EXOSC2: variants seen among roughly 807,000 people sequenced by gnomAD.
The protein encoded by EXOSC2 is exosome component 2.
A neutral mutation model predicts 37.6 loss-of-function variants in EXOSC2; 29 were observed. That is an observed-to-expected ratio of 0.77 (90% CI 0.57 to 1.05). The LOEUF (loss-of-function observed/expected upper bound fraction) is 1.05. EXOSC2 is among the 50% of genes least tolerant of loss of function. The pLI, the probability that EXOSC2 is intolerant of heterozygous loss-of-function variation, is 0.00. For missense variants in EXOSC2, 346 were observed against 365.6 expected (o/e 0.95, Z 0.44); for synonymous variants, 119 against 131.1 (o/e 0.91, Z 0.63).
intron 5 of EXOSC2, 172 bp downstream of exon 5, chr9:130,699,566 A>T: frequency 1.5e-6 from 1 of 663,694 alleles, no homozygotes; most frequent in Non-Finnish European, 2.6e-6. Context: ...ATTCAGGCTG[A>T]CTCCCCAGCT....
In EXOSC2 at chr9:130,704,284, C is replaced by G. The variant is rs977231087; in HGVS notation, c.*510C>G. The G allele has an allele frequency of 6.6e-6, 1 of 152,348 alleles. No homozygotes were observed. Among genetic ancestry groups the G allele is most frequent in the Non-Finnish European group, 1.5e-5 (1 of 68,160 alleles). 9.4% of individuals were successfully genotyped at this position (152,348 alleles called of 1,614,324 possible). On this transcript the variant is annotated 3_prime_UTR_variant, in exon 9 of 9. Transcript: ENST00000372358. Reference sequence around the variant, plus strand: ...GTGGCTCACGCCTATAATCCCAGCACTTAGGGAGGCCAAGGCGGGCAGATC... The same window carrying G: ...GTGGCTCACGCCTATAATCCCAGCAGTTAGGGAGGCCAAGGCGGGCAGATC...
chr9:130,701,040 A>C, intron 6 of EXOSC2, 105 bp downstream of exon 6: 6 of 1,025,262 alleles, frequency 5.9e-6, no homozygotes, highest in Non-Finnish European at 8.9e-6. Flanking sequence ...CCAGTAGCTA[A>C]GCATTAATAG....
At position 130,694,878 on chromosome 9, in the gene EXOSC2, T is replaced by G. The variant is rs1221596970; in HGVS notation, c.123-614T>G. 3.9e-4 allele frequency among the ~76,000 whole-genome samples: 58 copies of G among 148,654 alleles called. No homozygotes were observed. The East Asian group carries it at 0.011, about 27-fold the overall frequency. On this transcript the variant is annotated intron_variant, in intron 1 of 8. Transcript: ENST00000372358. This position sits in a 1 kb window ranked among gnomAD's most constrained non-coding sequence, Gnocchi z 4.0. Reference sequence around the variant, plus strand: ...CCACCATGCCTAGCTAATTTTTGGTTTTTTTTTTTTTTAGTAGAGACAGGG... The same window carrying G: ...CCACCATGCCTAGCTAATTTTTGGTGTTTTTTTTTTTTAGTAGAGACAGGG...
chr9:130,700,929 T>C lies in EXOSC2; in HGVS notation c.489T>C (p.Tyr163=), dbSNP rs1476952387. ...AVSLHTRSLK[Y]GKLGQGVLVQ... ...CTTTGCACACGAGGAGCCTGAAATA[T>C]GGAAAAGTAAGTCGGGCTCTTGATG... is the stretch of plus-strand genomic sequence containing the variant. Residue 163 remains tyrosine, a synonymous_variant, in exon 6 of 9, where the codon TAT becomes TAC. Transcript: ENST00000372358. The C allele has an allele frequency of 4.3e-6, 7 of 1,613,914 alleles. No homozygotes were observed. Among genetic ancestry groups the C allele is most frequent in the South Asian group, 2.2e-5 (2 of 91,080 alleles).
At chr9:130,702,000 A>T in intron 6 of EXOSC2, 134 bp from the exon 7 acceptor site, 1 of 1,456,406 alleles carries the variant, frequency 6.9e-7, no homozygotes, top group Non-Finnish European at 9.0e-7. Context: ...TACTATGTGT[A>T]TGCATGTAGG....
intron 4 of EXOSC2, among the ~76,000 whole-genome samples, chr9:130,699,095 T>A (rs1831156408): frequency 6.6e-6 from 1 of 152,172 alleles, no homozygotes; most frequent in Non-Finnish European, 1.5e-5. Context: ...GTCTGAATGT[T>A]CCTCAGAGAA....
At chr9:130,700,469 C>T (rs1831192146) in intron 5 of EXOSC2, among the ~76,000 whole-genome samples, 1 of 151,874 alleles carries the variant, frequency 6.6e-6, no homozygotes, top group South Asian at 2.1e-4. Flanking sequence ...AAGCGATTCT[C>T]CTGCCTCAGC....
chr9:130,700,584 C>G (rs1246910422), intron 5 of EXOSC2, among the ~76,000 whole-genome samples: 1 of 151,862 alleles, frequency 6.6e-6, no homozygotes, highest in African/African-American at 2.4e-5. Context: ...GTCTAGAACT[C>G]CTGACCTCAG....
In EXOSC2 at chr9:130,693,840, A is replaced by C. The variant is rs780124515; in HGVS notation, c.49A>C (p.Arg17=). ...AGTGGCTCGCAAGCCTCTTAGCGAG[A>C]GACTGGGCCGCGACACTAAGAAACA... ...LPVARKPLSE[R]LGRDTKKHLV... The change falls in exon 1 of 9, where the codon AGA becomes CGA. Residue 17 remains arginine (R), a synonymous_variant. Coordinates refer to ENST00000372358, the MANE Select transcript of EXOSC2 (RefSeq NM_014285.7). The C allele has an allele frequency of 1.2e-6, 2 of 1,611,262 alleles. No homozygotes were observed. The highest frequency in any genetic ancestry group is 1.7e-6 in the Non-Finnish European group (2 of 1,178,330).
chr9:130,697,505 C>G, intron 2 of EXOSC2, 77 bp from the exon 3 acceptor site: 1 of 1,415,448 alleles, frequency 7.1e-7, no homozygotes, highest in Non-Finnish European at 1.0e-6. Flanking sequence ...CCTGTTGAAC[C>G]GACATCTCAA....
At chr9:130,699,468 C>A in intron 5 of EXOSC2, 74 bp downstream of exon 5, 1 of 1,396,646 alleles carries the variant, frequency 7.2e-7, no homozygotes, top group Non-Finnish European at 1.0e-6. Context: ...CATTGTATGT[C>A]TCTGACGGAA....
chr9:130,703,661 C>A, intron 8 of EXOSC2, 33 bp from the exon 9 acceptor site: 2 of 1,583,406 alleles, frequency 1.3e-6, no homozygotes, highest in Admixed American at 1.7e-5. Context: ...TGGTTGGTTT[C>A]TTTTCTGAAC....
rs528593832 is a variant in EXOSC2, at chr9:130,703,211, A to G, written c.801+30A>G. The G allele has an allele frequency of 2.6e-5, 41 of 1,592,590 alleles. No individual in the cohort carries two copies. In the East Asian group the frequency reaches 6.5e-4, roughly 25 times the overall value. ...TCTCCCCAGGGCCTCTCCCTTCTTCACTGATCTGTGAGCTGCTCTGTTGTT... is the reference window on the plus strand; with the variant it reads ...TCTCCCCAGGGCCTCTCCCTTCTTCGCTGATCTGTGAGCTGCTCTGTTGTT... On this transcript the variant is annotated intron_variant, in intron 8 of 8. Coordinates refer to ENST00000372358, the MANE Select transcript of EXOSC2 (RefSeq NM_014285.7).
intron 6 of EXOSC2, chr9:130,701,717 C>G (rs1831219050): frequency 1.2e-6 from 1 of 846,380 alleles, no homozygotes; most frequent in African/African-American, 1.8e-5. Flanking sequence ...CATCTCCTTA[C>G]CTACCCAGAG....
chr9:130,699,106 G>A (rs943463579), intron 4 of EXOSC2, among the ~76,000 whole-genome samples: 42 of 152,216 alleles, frequency 2.8e-4, no homozygotes, highest in Non-Finnish European at 5.1e-4. Context: ...CCTCAGAGAA[G>A]GGAGGGAAAG....
chr9:130,695,440 GT>G (rs1831071178), intron 1 of EXOSC2, 51 bp from the exon 2 acceptor site: 17 of 1,487,176 alleles, frequency 1.1e-5, no homozygotes, highest in Non-Finnish European at 1.6e-5. Context: ...AGGGAGAGAA[GT>G]CATTTCGAGT....
chr9:130,702,358 C>G, intron 7 of EXOSC2, 48 bp downstream of exon 7: 1 of 1,530,028 alleles, frequency 6.5e-7, no homozygotes, highest in Non-Finnish European at 8.9e-7. Context: ...GGGGCTCAGT[C>G]TTTGCTGTGT....
intron 2 of EXOSC2, 118 bp downstream of exon 2, chr9:130,695,711 G>A (rs1246096466): frequency 2.4e-6 from 2 of 845,330 alleles, no homozygotes; most frequent in African/African-American, 3.3e-5. Context: ...CTGTAAGTCT[G>A]AGGTTTTGAC....
Position 130,698,966 on chromosome 9 carries a change from T to A in EXOSC2, c.361-363T>A, listed in dbSNP as rs1390372030. 1.3e-5 allele frequency among the ~76,000 whole-genome samples: 2 copies of A among 152,004 alleles called. No homozygotes were observed. The highest frequency in any genetic ancestry group is 4.8e-5 in the African/African-American group (2 of 41,370). Reference sequence around the variant, plus strand: ...AATGACTAGTTCAGGGAATCTGAGATAAAGGGAAATGTATGAGCAGAGATA... The same window carrying A: ...AATGACTAGTTCAGGGAATCTGAGAAAAAGGGAAATGTATGAGCAGAGATA... On this transcript the variant is annotated intron_variant, in intron 4 of 8. Coordinates refer to ENST00000372358, the MANE Select transcript of EXOSC2 (RefSeq NM_014285.7). This position sits in a 1 kb window ranked among gnomAD's most constrained non-coding sequence, Gnocchi z 4.1.
Sources: allele counts gnomAD v4.1 joint callset (sites outside exome capture counted in the v4.1 genomes callset), GRCh38; gene constraint gnomAD v4.1.1; non-coding constraint Gnocchi (gnomAD v3.1); transcripts MANE v1.5; gene names NCBI Gene and HGNC (gene_info 2026-07-23, HGNC 2026-07-21).